ST6GAL2: variants seen among roughly 807,000 people sequenced by gnomAD.
The protein encoded by ST6GAL2 is beta-galactoside alpha-2,6-sialyltransferase 2.
In ST6GAL2, 24 loss-of-function variants were observed where a neutral mutation model predicts 37.5. The observed-to-expected ratio is 0.64, with a 90% CI of 0.46 to 0.90. The LOEUF (loss-of-function observed/expected upper bound fraction) is 0.90, where lower values mean the gene tolerates loss of function less well. ST6GAL2 is among the 40% of genes least tolerant of loss of function. The probability of loss-of-function intolerance (pLI) is 0.00; values close to 1 mark genes in which losing one functional copy is unlikely to be tolerated. For missense variants in ST6GAL2, 715 were observed against 712.7 expected (o/e 1.00, Z -0.04); for synonymous variants, 306 against 295.1 (o/e 1.04, Z -0.38).
At chr2:106,815,559 G>C (rs10177770) in intron 5 of ST6GAL2, among the ~76,000 whole-genome samples, 128 of 152,122 alleles carry the variant, frequency 8.4e-4, no homozygotes, top group Non-Finnish European at 1.7e-3. Context: ...TTTTCTGTTT[G>C]GGAAAGAGTC....
rs954994273 is a variant in ST6GAL2 at position 106,806,446 on chromosome 2, T to C, written c.*232A>G. 2.1e-4 allele frequency: 108 copies of C among 514,568 alleles called. No individual in the cohort carries two copies. The highest frequency in any genetic ancestry group is 3.2e-4 in the Non-Finnish European group (94 of 292,112). The allele number at this position is 514,568 out of a possible 1,614,324, so 31.9% of individuals were successfully genotyped here. A position where few individuals can be genotyped will look rare whatever the true frequency, so the allele number is the denominator to read the frequency against. On this transcript the variant is annotated 3_prime_UTR_variant, in exon 6 of 6. Coordinates refer to ENST00000409382, the MANE Select transcript of ST6GAL2 (RefSeq NM_001142351.2). ...CATACATGTGTTTTCTTTCTAGCTA[T>C]CCTTGGTTTTGCATCTTTCTTGAGC...
At chr2:106,839,420 A>C (rs1676784198) in intron 2 of ST6GAL2, among the ~76,000 whole-genome samples, 1 of 152,032 alleles carries the variant, frequency 6.6e-6, no homozygotes, top group Non-Finnish European at 1.5e-5. Flanking sequence ...TCCAACCCAC[A>C]ACACTGGAAT....
rs375028631 is a variant in ST6GAL2 at position 106,862,051 on chromosome 2, A to G, written c.-57-18017T>C. ...CACGCTGATTAAATGACAGTTTTGT[A>G]TCACAAAAGAAAGCACTAATCAATC... On this transcript the variant is annotated intron_variant, in intron 1 of 5. Transcript: ENST00000409382. Among the ~76,000 whole-genome samples the G allele has an allele frequency of 3.0e-4, 46 of 152,372 alleles. 1 individual carries two copies. The South Asian group carries it at 9.3e-3, about 31-fold the overall frequency.
intron 1 of ST6GAL2, among the ~76,000 whole-genome samples, chr2:106,865,840 T>C (rs1678003494): frequency 6.6e-6 from 1 of 152,242 alleles, no homozygotes; most frequent in Non-Finnish European, 1.5e-5. Context: ...GCCTTTTGGC[T>C]ACTATGTTTC....
rs114004793 is a variant in ST6GAL2, at chr2:106,883,813, C to T, written c.-58+2280G>A. On this transcript the variant is annotated intron_variant, in intron 1 of 5. Transcript: ENST00000409382. ...TAAAGAGCAAATGCATTAACAAAGA[C>T]TGTCCTTATTATCATGCATAAGATA... Among the ~76,000 whole-genome samples the T allele has an allele frequency of 1.0e-2, 1,519 of 152,278 alleles. 32 individuals are homozygous for T. The highest frequency in any genetic ancestry group is 0.035 in the African/African-American group (1,459 of 41,554).
intron 1 of ST6GAL2, among the ~76,000 whole-genome samples, chr2:106,883,856 A>T (rs1678849743): frequency 6.6e-6 from 1 of 152,214 alleles, no homozygotes; most frequent in Non-Finnish European, 1.5e-5. Flanking sequence ...TCAAAGTCTC[A>T]CCCATGAGGT....
chr2:106,865,874 G>A (rs1420371563), intron 1 of ST6GAL2, among the ~76,000 whole-genome samples: 2 of 152,144 alleles, frequency 1.3e-5, no homozygotes, highest in Admixed American at 1.3e-4. Context: ...TTTGTACACT[G>A]TTTTCAAGAG....
intron 3 of ST6GAL2, 40 bp from the exon 4 acceptor site, chr2:106,832,706 G>T: frequency 1.5e-6 from 2 of 1,373,572 alleles, no homozygotes; most frequent in Non-Finnish European, 1.0e-6. Flanking sequence ...GCCAGGGTTT[G>T]GTTTTTAAAA....
intron 1 of ST6GAL2, among the ~76,000 whole-genome samples, chr2:106,865,904 A>T (rs921626257): frequency 2.6e-5 from 4 of 152,222 alleles, no homozygotes; most frequent in Admixed American, 6.5e-5. Flanking sequence ...TATATTTGTG[A>T]CTTATAAAAT....
chr2:106,837,607 A>G (rs1676700290), intron 2 of ST6GAL2, among the ~76,000 whole-genome samples: 1 of 152,150 alleles, frequency 6.6e-6, no homozygotes, highest in African/African-American at 2.4e-5. Flanking sequence ...CTGGGAGGGA[A>G]TCAGCCCTAA....
At chr2:106,841,846 T>C (rs1676898690) in intron 2 of ST6GAL2, among the ~76,000 whole-genome samples, 1 of 152,178 alleles carries the variant, frequency 6.6e-6, no homozygotes, top group African/African-American at 2.4e-5. Flanking sequence ...AAGATTAGAA[T>C]TGGTATTTTA....
At chr2:106,879,386 A>G (rs1678647999) in intron 1 of ST6GAL2, among the ~76,000 whole-genome samples, 1 of 152,130 alleles carries the variant, frequency 6.6e-6, no homozygotes, top group Non-Finnish European at 1.5e-5. Context: ...TCCTACTACT[A>G]TCAATTCAAC....
At chr2:106,879,019 C>T (rs1265753952) in intron 1 of ST6GAL2, among the ~76,000 whole-genome samples, 1 of 152,174 alleles carries the variant, frequency 6.6e-6, no homozygotes, top group Non-Finnish European at 1.5e-5. Flanking sequence ...TAGATACACA[C>T]CATCTAGAAA....
At chr2:106,851,559 AG>A (rs1379162708) in intron 1 of ST6GAL2, among the ~76,000 whole-genome samples, 1 of 152,202 alleles carries the variant, frequency 6.6e-6, no homozygotes, top group African/African-American at 2.4e-5. Context: ...ATTTTGTTCA[AG>A]GGCAAAGAGA....
chr2:106,818,386 T>C (rs1675884214), intron 5 of ST6GAL2, among the ~76,000 whole-genome samples: 1 of 152,130 alleles, frequency 6.6e-6, no homozygotes, highest in Non-Finnish European at 1.5e-5. Context: ...AAGACTCTGT[T>C]TGTTTGAGAG....
intron 1 of ST6GAL2, among the ~76,000 whole-genome samples, chr2:106,867,403 T>G (rs2104603070): frequency 6.6e-6 from 1 of 152,314 alleles, no homozygotes; most frequent in African/African-American, 2.4e-5. Context: ...TCTTAAGTTT[T>G]TCCCCTTTCT....
At chr2:106,840,129 T>C (rs924981288) in intron 2 of ST6GAL2, among the ~76,000 whole-genome samples, 1 of 152,152 alleles carries the variant, frequency 6.6e-6, no homozygotes, top group Non-Finnish European at 1.5e-5. Flanking sequence ...AGAACATAGG[T>C]AGGGCTGATA....
In ST6GAL2 at chr2:106,836,944, C is replaced by CAAAAAA. The variant is rs10700905; in HGVS notation, c.944-2804_944-2799dup. Among the ~76,000 whole-genome samples, 177 of 85,704 alleles carry CAAAAAA rather than the reference C, an allele frequency of 2.1e-3. 6 individuals carry two copies. The highest frequency in any genetic ancestry group is 5.7e-3 in the African/African-American group (108 of 19,074). The allele number at this position is 85,704 out of a possible 152,430, so 56.2% of individuals were successfully genotyped here. A position where few individuals can be genotyped will look rare whatever the true frequency, so the allele number is the denominator to read the frequency against. The stretch of plus-strand genomic sequence containing the variant: ...GAGCAACAGGAGCAAAATTCCATCT[C>CAAAAAA]AAAAAAAAAAAAAAAAAAGAATTGA... On this transcript the variant is annotated intron_variant, in intron 2 of 5. Coordinates refer to ENST00000409382, the MANE Select transcript of ST6GAL2 (RefSeq NM_001142351.2).
intron 5 of ST6GAL2, among the ~76,000 whole-genome samples, chr2:106,811,577 A>C (rs573152640): frequency 6.6e-6 from 1 of 152,310 alleles, no homozygotes; most frequent in Non-Finnish European, 1.5e-5. Context: ...AAATTTAAAG[A>C]CAGTAGAAGG....
Sources: gnomAD v4.1 joint callset for allele counts (sites outside exome capture counted in the v4.1 genomes callset) on GRCh38, gnomAD v4.1.1 for gene constraint, MANE v1.5 for transcripts, NCBI Gene and HGNC (gene_info 2026-07-23, HGNC 2026-07-21) for gene names.